The following FAM120C variants were observed in gnomAD, a reference collection of about 807,000 sequenced individuals.
The protein encoded by FAM120C is family with sequence similarity 120 member C, also known as constitutive coactivator of PPAR-gamma-like protein 2.
Under a neutral mutation model 71.2 loss-of-function variants are expected in FAM120C, and 14 were observed. The ratio of observed to expected loss-of-function variants is 0.20; its 90% CI spans 0.13 to 0.31. The LOEUF (loss-of-function observed/expected upper bound fraction) is 0.31, where lower values mean the gene tolerates loss of function less well. Ranked by LOEUF, FAM120C falls within the 10% of genes least tolerant of loss-of-function variation. The pLI is 1.00. For synonymous variants in FAM120C, 354 were observed against 353.2 expected, an observed-to-expected ratio of 1.00 and a Z score of -0.03; for missense variants, 500 against 879.0, an observed-to-expected ratio of 0.57 and a Z score of 5.45.
intron 10 of FAM120C, among the ~76,000 whole-genome samples, chrX:54,103,434 G>A (rs782454766): frequency 1.5e-4 from 17 of 111,694 alleles, no homozygotes; most frequent in Non-Finnish European, 2.8e-4. Context: ...GCAAATCATT[G>A]CTTAGCTTTT....
At chrX:54,077,999 A>G (rs1180196944) in intron 15 of FAM120C, among the ~76,000 whole-genome samples, 1 of 83,725 alleles carries the variant, frequency 1.2e-5, no homozygotes, top group African/African-American at 4.4e-5. Context: ...GCTGGAGTGC[A>G]GTGGCGCGAT....
intron 4 of FAM120C, among the ~76,000 whole-genome samples, chrX:54,148,099 A>T (rs1334604292): frequency 1.8e-5 from 2 of 111,244 alleles, no homozygotes; most frequent in Non-Finnish European, 3.8e-5. Flanking sequence ...CAAAAGCATG[A>T]CCCATAAAAG....
At chrX:54,166,306 G>A (rs1397643872) in intron 1 of FAM120C, among the ~76,000 whole-genome samples, 3 of 111,927 alleles carry the variant, frequency 2.7e-5, no homozygotes, top group African/African-American at 9.7e-5. Flanking sequence ...AGAATCTCTA[G>A]GGAGAGCGAT....
At chrX:54,166,032 T>C (rs1557135122) in intron 1 of FAM120C, among the ~76,000 whole-genome samples, 1 of 110,545 alleles carries the variant, frequency 9.0e-6, no homozygotes, top group Non-Finnish European at 1.9e-5. Flanking sequence ...AATGACAATC[T>C]GCAAAAAAAT....
At chrX:54,118,500 A>C (rs1260764463) in intron 9 of FAM120C, among the ~76,000 whole-genome samples, 1 of 108,987 alleles carries the variant, frequency 9.2e-6, no homozygotes, top group East Asian at 2.9e-4. Flanking sequence ...GTATAAGTCT[A>C]TTTTTAGTTT....
intron 10 of FAM120C, among the ~76,000 whole-genome samples, chrX:54,098,700 T>C (rs1236363928): frequency 9.0e-6 from 1 of 111,623 alleles, no homozygotes; most frequent in Non-Finnish European, 1.9e-5. Flanking sequence ...CTCAGCTCAC[T>C]GCAATCTCCC....
chrX:54,174,100 T>G, intron 1 of FAM120C: 1 of 512,480 alleles, frequency 2.0e-6, no homozygotes, highest in East Asian at 3.6e-5. Flanking sequence ...CCTCAGTTTC[T>G]TTTCCTGTGG....
intron 10 of FAM120C, among the ~76,000 whole-genome samples, chrX:54,108,623 A>G (rs906679637): frequency 8.1e-5 from 9 of 111,600 alleles, no homozygotes; most frequent in Non-Finnish European, 1.7e-4. Flanking sequence ...ATGAACTTAT[A>G]CAGATATAAA....
chrX:54,089,037 AGACTCTGTCTCCAAAAAAACCTCT>A (rs2066810406), intron 11 of FAM120C, among the ~76,000 whole-genome samples: 1 of 111,019 alleles, frequency 9.0e-6, no homozygotes, highest in African/African-American at 3.3e-5. Context: ...TGACAGAGTG[AGACTCTGTCTCCAAAAAAACCTCT>A]TTTCTTTACC....
At chrX:54,124,736 CT>C in intron 9 of FAM120C, among the ~76,000 whole-genome samples, 1 of 111,621 alleles carries the variant, frequency 9.0e-6, no homozygotes, top group Middle Eastern at 4.6e-3. Flanking sequence ...GCCATCTTGG[CT>C]CCTCCCCACC....
rs910986653 is a variant in FAM120C, at chrX:54,078,044, C to T, written c.3036+2188G>A. ...CTGCAAGCTCCGCCTCCCGGGTTCA[C>T]GCCATTCTCCTGCCTCAGCCTCCCG... On this transcript the variant is annotated intron_variant, in intron 15 of 15. Transcript: ENST00000375180. Among the ~76,000 whole-genome samples the T allele has an allele frequency of 9.1e-5, 9 of 99,330 alleles. No individual in the cohort carries two copies. The South Asian group carries it at 2.5e-3, about 28-fold the overall frequency. The allele number at this position is 99,330 out of a possible 115,157, so 86.3% of individuals were successfully genotyped here.
At chrX:54,166,880 A>C (rs1424665731) in intron 1 of FAM120C, among the ~76,000 whole-genome samples, 1 of 111,630 alleles carries the variant, frequency 9.0e-6, no homozygotes, top group Non-Finnish European at 1.9e-5. Flanking sequence ...ATCCTTTTGT[A>C]TCTTTTGAAT....
chrX:54,140,145 A>T (rs1373235579), intron 4 of FAM120C, among the ~76,000 whole-genome samples: 2 of 107,765 alleles, frequency 1.9e-5, no homozygotes, highest in African/African-American at 6.8e-5. Flanking sequence ...AAATAAAAAA[A>T]ATTAGCCGGG....
intron 9 of FAM120C, among the ~76,000 whole-genome samples, chrX:54,132,043 C>T (rs781970269): frequency 3.7e-5 from 4 of 107,286 alleles, no homozygotes; most frequent in South Asian, 4.2e-4. Context: ...TGAGCCACTG[C>T]GCCCGGCCTT....
At chrX:54,165,390 T>C (rs1557135005) in intron 1 of FAM120C, among the ~76,000 whole-genome samples, 1 of 111,698 alleles carries the variant, frequency 9.0e-6, no homozygotes, top group Non-Finnish European at 1.9e-5. Flanking sequence ...AGAAAAGTAA[T>C]ATAGATTATT....
At chrX:54,088,615 G>T (rs1603352473) in intron 11 of FAM120C, among the ~76,000 whole-genome samples, 1 of 72,477 alleles carries the variant, frequency 1.4e-5, no homozygotes, top group South Asian at 7.4e-4. Flanking sequence ...AAAAAAAAAC[G>T]AAAGAAAGAA....
At chrX:54,132,653 A>C in intron 9 of FAM120C, 39 bp downstream of exon 9, 3 of 1,126,737 alleles carry the variant, frequency 2.7e-6, no homozygotes, top group Non-Finnish European at 3.6e-6. Context: ...CTGCTGTGTC[A>C]AGTGCTGAGA....
chrX:54,173,458 G>A (rs2067299464), intron 1 of FAM120C, among the ~76,000 whole-genome samples: 1 of 111,660 alleles, frequency 9.0e-6, no homozygotes, highest in South Asian at 3.7e-4. Flanking sequence ...ATGTTGGTCA[G>A]CCTGGTCTCG....
intron 9 of FAM120C, among the ~76,000 whole-genome samples, chrX:54,129,380 C>T (rs9867342): frequency 0.53 from 54,840 of 103,808 alleles, 13,829 homozygotes; most frequent in Non-Finnish European, 0.75. Flanking sequence ...ACATCCCAGA[C>T]GGGGCGGCGG....
Sources: gnomAD v4.1 joint callset for allele counts (sites outside exome capture counted in the v4.1 genomes callset) on GRCh38, gnomAD v4.1.1 for gene constraint, MANE v1.5 for transcripts, NCBI Gene and HGNC (gene_info 2026-07-23, HGNC 2026-07-21) for gene names.